NEMF: variants seen among roughly 807,000 people sequenced by gnomAD.
The protein encoded by NEMF is ribosome quality control complex subunit NEMF.
In NEMF, 89 loss-of-function variants were observed where a neutral mutation model predicts 162.2. The observed-to-expected ratio is 0.55, with a 90% CI of 0.46 to 0.65. The LOEUF (loss-of-function observed/expected upper bound fraction) is 0.65. Ranked by LOEUF, NEMF falls within the 30% of genes least tolerant of loss-of-function variation. The pLI, the probability that NEMF is intolerant of heterozygous loss-of-function variation, is 0.00. For synonymous variants in NEMF, 421 were observed against 404.5 expected (o/e 1.04, Z -0.49); for missense variants, 1,133 against 1,261.9 (o/e 0.90, Z 1.55).
intron 18 of NEMF, among the ~76,000 whole-genome samples, chr14:49,813,241 A>T (rs61982266): frequency 6.6e-6 from 1 of 152,118 alleles, no homozygotes; most frequent in Non-Finnish European, 1.5e-5. Context: ...GGAGTTTGCT[A>T]GAAACGTTTT....
At chr14:49,787,679 A>G (rs926780567) in intron 28 of NEMF, among the ~76,000 whole-genome samples, 10 of 152,204 alleles carry the variant, frequency 6.6e-5, no homozygotes, top group Admixed American at 1.3e-4. Context: ...GTGGGGGGAT[A>G]TTAACATTTA....
intron 18 of NEMF, among the ~76,000 whole-genome samples, chr14:49,809,443 G>A (rs35997878): frequency 1.5e-3 from 235 of 152,288 alleles, no homozygotes; most frequent in Non-Finnish European, 2.7e-3. Flanking sequence ...GGGGTTGGGG[G>A]AAGGGAGGGA....
In NEMF at chr14:49,806,010, G is replaced by A; in HGVS notation, c.1857+11C>T. The A allele has an allele frequency of 3.8e-6, 6 of 1,570,772 alleles. No homozygotes were observed. In the East Asian group the frequency reaches 1.1e-4, roughly 30 times the overall value. On this transcript the variant is annotated intron_variant, in intron 19 of 32. Transcript: ENST00000298310. ...TAGTAAATTAAGAAAAAGGACAAGA[G>A]CCCTTATTACCTGATGATGGTACAC... is the stretch of plus-strand genomic sequence containing the variant.
rs1366791946 is a variant in NEMF, at chr14:49,788,553, TCTCTC to T, written c.2895+588_2895+592del. 7.8e-4 allele frequency among the ~76,000 whole-genome samples: 53 copies of T among 67,744 alleles called. No individual in the cohort carries two copies. In the Admixed American group the frequency reaches 8.0e-3, roughly 10 times the overall value. The allele number at this position is 67,744 out of a possible 152,430, so 44.4% of individuals were successfully genotyped here. A position where few individuals can be genotyped will look rare whatever the true frequency, so the allele number is the denominator to read the frequency against. On this transcript the variant is annotated intron_variant, in intron 28 of 32. Transcript: ENST00000298310. ...TCTTCAAGACAATCCCAATTTTCTCTCTCTCTTTTTTTTTTTTTTTTTGAGATGGA... is the reference window on the plus strand; with the variant it reads ...TCTTCAAGACAATCCCAATTTTCTCTTTTTTTTTTTTTTTTTTGAGATGGA...
At chr14:49,802,910 A>G (rs181005665) in intron 20 of NEMF, among the ~76,000 whole-genome samples, 183 bp from the exon 21 acceptor site, 138 of 152,332 alleles carry the variant, frequency 9.1e-4, no homozygotes, top group African/African-American at 3.0e-3. Flanking sequence ...GTTATTAAGA[A>G]GTAAAAAATA....
chr14:49,816,878 G>T (rs189305064), intron 16 of NEMF, among the ~76,000 whole-genome samples: 1 of 152,292 alleles, frequency 6.6e-6, no homozygotes, highest in South Asian at 2.1e-4. Flanking sequence ...AATCATCCTA[G>T]TAAGGGAATG....
intron 15 of NEMF, among the ~76,000 whole-genome samples, chr14:49,826,859 A>G (rs1427489286): frequency 6.6e-6 from 1 of 152,202 alleles, no homozygotes; most frequent in Non-Finnish European, 1.5e-5. Flanking sequence ...TCAGGGTGGT[A>G]CTATCGTTAG....
chr14:49,829,037 C>T lies in NEMF; in HGVS notation c.1232+17G>A. 6.2e-7 allele frequency: 1 copy of T among 1,605,006 alleles called. No homozygotes were observed. Among genetic ancestry groups the T allele is most frequent in the Non-Finnish European group, 8.5e-7 (1 of 1,172,360 alleles). On this transcript the variant is annotated intron_variant, in intron 13 of 32. Transcript: ENST00000298310. ...ATAAAGACAAGCATTAACTGCTTGA[C>T]TAAGAGTCAAACTTACCTTAGCAGC...
Position 49,803,486 on chromosome 14 carries a change from A to G in NEMF, c.1858-192T>C, listed in dbSNP as rs116165822. ...TGACAGATAAGCCTTTGGAAGTAAC[A>G]AAGAAAAAAACAAAGAATCCACTAC... On this transcript the variant is annotated intron_variant, in intron 19 of 32. Transcript: ENST00000298310. Among the ~76,000 whole-genome samples, 623 of 152,210 alleles carry G rather than the reference A, an allele frequency of 4.1e-3. 3 individuals carry two copies. The highest frequency in any genetic ancestry group is 0.014 in the African/African-American group (578 of 41,526).
intron 18 of NEMF, among the ~76,000 whole-genome samples, chr14:49,813,624 T>A (rs3126193): frequency 0.96 from 146,719 of 152,180 alleles, 70,977 homozygotes; most frequent in East Asian, 1. Context: ...ATCTTCTTGA[T>A]AAGACTGATC....
chr14:49,820,481 A>G (rs897132544), intron 16 of NEMF: 30 of 456,506 alleles, frequency 6.6e-5, no homozygotes, highest in Non-Finnish European at 1.2e-4. Flanking sequence ...TCAAGAGCTA[A>G]TAATCGGCTG....
chr14:49,828,140 A>G, intron 15 of NEMF, 151 bp downstream of exon 15: 1 of 669,498 alleles, frequency 1.5e-6, no homozygotes, highest in Non-Finnish European at 2.7e-6. Context: ...CCTGGGGGGA[A>G]AAAATACTGG....
intron 16 of NEMF, among the ~76,000 whole-genome samples, chr14:49,821,685 G>C (rs1385559533): frequency 7.4e-6 from 1 of 134,432 alleles, no homozygotes; most frequent in Admixed American, 7.2e-5. Context: ...GGAGGGAGGT[G>C]GGGGGCTCAG....
Position 49,795,912 on chromosome 14 carries a change from G to A in NEMF, c.2498C>T (p.Ser833Leu). Residue 833 changes from serine to leucine, a missense_variant, in exon 26 of 33, where the codon TCA becomes TTA. Ser to Leu is a moderately radical substitution (Grantham distance 145). Transcript: ENST00000298310. Reference protein sequence around the residue: ...EMKKKKLPSDSGDLEALEGKD... With the variant: ...EMKKKKLPSDLGDLEALEGKD... Reference sequence around the variant, plus strand: ...TCCCTCTAACGCTTCTAAATCTCCTGAGTCACTTGGAAGTTTTTTCTTTTT... The same window carrying A: ...TCCCTCTAACGCTTCTAAATCTCCTAAGTCACTTGGAAGTTTTTTCTTTTT... The A allele has an allele frequency of 2.5e-6, 4 of 1,605,360 alleles. No homozygotes were observed. The highest frequency in any genetic ancestry group is 1.7e-4 in the Middle Eastern group (1 of 6,038).
At chr14:49,795,739 A>G in intron 26 of NEMF, 52 bp downstream of exon 26, 1 of 1,523,588 alleles carries the variant, frequency 6.6e-7, no homozygotes, top group Non-Finnish European at 8.9e-7. Context: ...AAAAAATTAA[A>G]AAGGAACCTC....
rs146851949 is a variant in NEMF, at chr14:49,795,921, G to A, written c.2489C>T (p.Pro830Leu). The A allele has an allele frequency of 4.3e-5, 69 of 1,598,220 alleles. No homozygotes were observed. The highest frequency in any genetic ancestry group is 5.8e-5 in the Non-Finnish European group (68 of 1,175,838). The change falls in exon 26 of 33, where the codon CCA (proline) becomes CTA (leucine). Residue 830 changes from proline (P) to leucine (L), a missense_variant. Pro to Leu is a moderately conservative substitution (Grantham distance 98). Coordinates refer to ENST00000298310, the MANE Select transcript of NEMF (RefSeq NM_004713.6). ...CGCTTCTAAATCTCCTGAGTCACTT[G>A]GAAGTTTTTTCTTTTTCATTTCCCT... The part of the protein sequence containing the change: ...ERREMKKKKL[P>L]SDSGDLEALE...
At chr14:49,791,735 TAAAAAAAAAA>T (rs10586126) in intron 26 of NEMF, among the ~76,000 whole-genome samples, 2 of 141,066 alleles carry the variant, frequency 1.4e-5, no homozygotes, top group Admixed American at 7.0e-5. Flanking sequence ...AGACTCCATT[TAAAAAAAAAA>T]AAAAAAAAAA....
chr14:49,850,690 A>C (rs994162118), intron 3 of NEMF, among the ~76,000 whole-genome samples: 1 of 152,084 alleles, frequency 6.6e-6, no homozygotes, highest in Non-Finnish European at 1.5e-5. Flanking sequence ...ACTTAGTAAC[A>C]TATTAATGTC....
At chr14:49,790,647 A>T (rs993713692) in intron 26 of NEMF, among the ~76,000 whole-genome samples, 4 of 152,154 alleles carry the variant, frequency 2.6e-5, no homozygotes, top group Non-Finnish European at 5.9e-5. Context: ...ACAACCCAGA[A>T]AATTCCACTC....
Sources: gnomAD v4.1 joint callset for allele counts (sites outside exome capture counted in the v4.1 genomes callset) on GRCh38, gnomAD v4.1.1 for gene constraint, MANE v1.5 for transcripts, NCBI Gene and HGNC (gene_info 2026-07-23, HGNC 2026-07-21) for gene names.